NCOA1: variants seen among roughly 807,000 people sequenced by gnomAD.
NCOA1 encodes the protein Hin-2 protein.
NCOA1 carries 35 observed loss-of-function variants against 150.9 expected under a neutral mutation model. The observed-to-expected ratio is 0.23, with a 90% CI of 0.18 to 0.31. NCOA1 has a LOEUF of 0.31. Ranked by LOEUF, NCOA1 falls within the 10% of genes least tolerant of loss-of-function variation. The probability of loss-of-function intolerance (pLI) is 1.00; values close to 1 mark genes in which losing one functional copy is unlikely to be tolerated. For synonymous variants in NCOA1, 590 were observed against 630.0 expected (o/e 0.94, Z 0.95); for missense variants, 1,491 against 1,749.3 (o/e 0.85, Z 2.63).
At chr2:24,677,413 G>A (rs1036926131) in intron 7 of NCOA1, among the ~76,000 whole-genome samples, 1 of 152,012 alleles carries the variant, frequency 6.6e-6, no homozygotes, top group African/African-American at 2.4e-5. Context: ...AAAGAGGGAT[G>A]TTTTTGTTTG....
At chr2:24,550,140 A>G (rs1048637084) in intron 1 of NCOA1, among the ~76,000 whole-genome samples, 1 of 152,196 alleles carries the variant, frequency 6.6e-6, no homozygotes, top group Non-Finnish European at 1.5e-5. Flanking sequence ...CCATACAACA[A>G]GTCTCTACAA....
chr2:24,535,818 C>T (rs184971133), intron 1 of NCOA1, among the ~76,000 whole-genome samples: 10 of 152,156 alleles, frequency 6.6e-5, no homozygotes, highest in Admixed American at 1.3e-4. Context: ...ACAAGAGATC[C>T]GCTGTTAGTC....
chr2:24,768,121 T>A (rs1173642038), intron 22 of NCOA1, 100 bp from the exon 23 acceptor site: 2 of 1,614,132 alleles, frequency 1.2e-6, no homozygotes. Context: ...GACTACAGAC[T>A]AGAGGAATGC....
At chr2:24,588,002 C>A (rs1231085616) in intron 3 of NCOA1, among the ~76,000 whole-genome samples, 1 of 152,158 alleles carries the variant, frequency 6.6e-6, no homozygotes, top group Non-Finnish European at 1.5e-5. Context: ...TACTGTCTTA[C>A]CCACTGAGCA....
At chr2:24,574,035 T>C (rs901551015) in intron 2 of NCOA1, among the ~76,000 whole-genome samples, 3 of 151,734 alleles carry the variant, frequency 2.0e-5, no homozygotes, top group African/African-American at 7.3e-5. Context: ...ATAGGTGAAT[T>C]AAAAAACAGA....
intron 19 of NCOA1, among the ~76,000 whole-genome samples, chr2:24,751,746 C>T (rs568292479): frequency 8.5e-5 from 13 of 152,194 alleles, no homozygotes; most frequent in South Asian, 6.2e-4. Context: ...AGCATTATTC[C>T]GAGCTTACAT....
At chr2:24,663,299 C>T (rs773605217) in intron 5 of NCOA1, among the ~76,000 whole-genome samples, 35 of 152,112 alleles carry the variant, frequency 2.3e-4, no homozygotes, top group South Asian at 4.1e-4. Flanking sequence ...CCAGCCTCTC[C>T]CTACCACTGA....
chr2:24,646,733 A>G (rs1301126908), intron 4 of NCOA1, among the ~76,000 whole-genome samples: 1 of 145,402 alleles, frequency 6.9e-6, no homozygotes, highest in East Asian at 2.0e-4. Context: ...TGAAAAGGTT[A>G]TCTTAAATAA....
At chr2:24,756,115 G>A (rs1161799148) in intron 20 of NCOA1, among the ~76,000 whole-genome samples, 5 of 151,180 alleles carry the variant, frequency 3.3e-5, no homozygotes, top group South Asian at 2.1e-4. Context: ...TTAGCTGGGC[G>A]TGATGGCACA....
intron 11 of NCOA1, among the ~76,000 whole-genome samples, chr2:24,704,224 A>G (rs1673300613): frequency 6.6e-6 from 1 of 152,206 alleles, no homozygotes; most frequent in Non-Finnish European, 1.5e-5. Flanking sequence ...TAACTTGTCA[A>G]ATGGGACCTT....
In NCOA1 at chr2:24,639,622, C is replaced by T. The variant is rs545754444; in HGVS notation, c.-174-4344C>T. Among the ~76,000 whole-genome samples, 43 of 151,788 alleles carry T rather than the reference C, an allele frequency of 2.8e-4. 1 individual carries two copies. The highest frequency in any genetic ancestry group is 1.0e-3 in the African/African-American group (43 of 41,382). Reference sequence around the variant, plus strand: ...GCAGAGTATAGGCTGAGCGTGGTGGCTCATGCCTATAATCCCAGCACTTTG... The same window carrying T: ...GCAGAGTATAGGCTGAGCGTGGTGGTTCATGCCTATAATCCCAGCACTTTG... On this transcript the variant is annotated intron_variant, in intron 3 of 22. Transcript: ENST00000348332.
At chr2:24,525,450 T>A (rs1390742758) in intron 1 of NCOA1, among the ~76,000 whole-genome samples, 1 of 152,192 alleles carries the variant, frequency 6.6e-6, no homozygotes, top group Non-Finnish European at 1.5e-5. Flanking sequence ...CGGAGATTTG[T>A]AAGGAAACTG....
intron 3 of NCOA1, among the ~76,000 whole-genome samples, chr2:24,638,753 GAGCATGTTT>G (rs775029474): frequency 1.2e-4 from 19 of 152,166 alleles, no homozygotes; most frequent in Non-Finnish European, 2.5e-4. Context: ...TAATGATGTT[GAGCATGTTT>G]CCATATATTT....
rs145460486 is a variant in NCOA1, at chr2:24,747,096, GCAA to G, written c.3707-4867_3707-4865del. 1.1e-3 allele frequency among the ~76,000 whole-genome samples: 164 copies of G among 151,390 alleles called. 1 individual carries two copies. Among genetic ancestry groups the G allele is most frequent in the Middle Eastern group, 3.4e-3 (1 of 290 alleles). On this transcript the variant is annotated intron_variant, in intron 19 of 22. Coordinates refer to ENST00000348332, the MANE Select transcript of NCOA1 (RefSeq NM_003743.5). The stretch of plus-strand genomic sequence containing the variant: ...TAAAAGACCAACACTAAAAACAACA[GCAA>G]CAACAACAACAACAACAAAACAAAC...
At chr2:24,557,972 T>G (rs1196576120) in intron 1 of NCOA1, among the ~76,000 whole-genome samples, 1 of 151,056 alleles carries the variant, frequency 6.6e-6, no homozygotes, top group African/African-American at 2.4e-5. Context: ...TTCCTTGGAA[T>G]TTTTTGGATC....
chr2:24,641,775 A>G (rs1388606655), intron 3 of NCOA1, among the ~76,000 whole-genome samples: 1 of 151,946 alleles, frequency 6.6e-6, no homozygotes, highest in Admixed American at 6.6e-5. Flanking sequence ...TGCCCAAGCT[A>G]GTTTCAAAAT....
chr2:24,702,398 C>T (rs1032627354), intron 11 of NCOA1, among the ~76,000 whole-genome samples: 1 of 152,096 alleles, frequency 6.6e-6, no homozygotes, highest in African/African-American at 2.4e-5. Context: ...CCGGCATTGA[C>T]CCATAGTACC....
chr2:24,649,251 G>T (rs560208587), intron 4 of NCOA1, among the ~76,000 whole-genome samples: 1 of 152,194 alleles, frequency 6.6e-6, no homozygotes, highest in South Asian at 2.1e-4. Flanking sequence ...TTATCACTCA[G>T]TTTTGTCTGT....
intron 20 of NCOA1, among the ~76,000 whole-genome samples, chr2:24,753,319 A>T (rs1188064044): frequency 6.6e-6 from 1 of 152,050 alleles, no homozygotes; most frequent in Non-Finnish European, 1.5e-5. Flanking sequence ...ATGAAATCCA[A>T]CTAAACTCTT....
Sources: gnomAD v4.1 joint callset for allele counts (sites outside exome capture counted in the v4.1 genomes callset) on GRCh38, gnomAD v4.1.1 for gene constraint, MANE v1.5 for transcripts, NCBI Gene and HGNC (gene_info 2026-07-23, HGNC 2026-07-21) for gene names.